Variants in STRN4 observed in about 807,000 individuals in gnomAD.
The protein encoded by STRN4 is striatin-4.
Under a neutral mutation model 77.9 loss-of-function variants are expected in STRN4, and 27 were observed. That is an observed-to-expected ratio of 0.35 (90% CI 0.26 to 0.48). The LOEUF (loss-of-function observed/expected upper bound fraction) is 0.48, where lower values mean the gene tolerates loss of function less well. STRN4 is among the 20% of genes least tolerant of loss of function. The pLI is 0.99. For synonymous variants in STRN4, 466 were observed against 443.1 expected (o/e 1.05, Z -0.65); for missense variants, 798 against 1,049.7 (o/e 0.76, Z 3.31).
chr19:46,729,111 G>A lies in STRN4; in HGVS notation c.880-334C>T, dbSNP rs76810771. Among the ~76,000 whole-genome samples the A allele has an allele frequency of 3.7e-3, 568 of 152,378 alleles. 3 individuals carry two copies. The highest frequency in any genetic ancestry group is 0.013 in the African/African-American group (522 of 41,586). ...GGCAGATATGCACTGGTGTCCGTGTGTGAATATACGGAGGTGCAAACAAGT... is the reference window on the plus strand; with the variant it reads ...GGCAGATATGCACTGGTGTCCGTGTATGAATATACGGAGGTGCAAACAAGT... On this transcript the variant is annotated intron_variant, in intron 6 of 17. Coordinates refer to ENST00000263280, the MANE Select transcript of STRN4 (RefSeq NM_013403.3).
chr19:46,737,178 G>A (rs1454805975), intron 3 of STRN4, among the ~76,000 whole-genome samples: 2 of 152,196 alleles, frequency 1.3e-5, no homozygotes, highest in Non-Finnish European at 1.5e-5. Context: ...GCCTGGTTCT[G>A]AGAGAAGGGC....
Position 46,733,700 on chromosome 19 carries a change from GT to G in STRN4, c.540-465del, listed in dbSNP as rs1231267377. On this transcript the variant is annotated intron_variant, in intron 4 of 17. Coordinates refer to ENST00000263280, the MANE Select transcript of STRN4 (RefSeq NM_013403.3). The surrounding 1 kb of genome is among the most constrained non-coding windows in gnomAD (Gnocchi z 4.3). ...AAGCTTACACCACACGCAAACACAC[GT>G]TTGTATTATGTCCCCCAAGAGGCCT... 1 of 158,338 alleles carries G rather than the reference GT, an allele frequency of 6.3e-6. No individual in the cohort carries two copies. 9.8% of individuals were successfully genotyped at this position (158,338 alleles called of 1,614,324 possible).
rs200902633 is a variant in STRN4, at chr19:46,722,346, G to A, written c.1907-6C>T. The A allele has an allele frequency of 1.7e-4, 268 of 1,613,466 alleles. No individual in the cohort carries two copies. Among genetic ancestry groups the A allele is most frequent in the Admixed American group, 1.6e-3 (97 of 60,018 alleles). ...TTGGTTGATCTGGGTTGGACCTGAA[G>A]GAAAACGCAGGAAGAGGGAAGGATG... is the stretch of plus-strand genomic sequence containing the variant. On this transcript the variant is annotated splice_polypyrimidine_tract_variant and splice_region_variant and intron_variant, in intron 14 of 17. Coordinates refer to ENST00000263280, the MANE Select transcript of STRN4 (RefSeq NM_013403.3).
At chr19:46,736,943 T>G in intron 3 of STRN4, 42 bp from the exon 4 acceptor site, 1 of 1,598,938 alleles carries the variant, frequency 6.3e-7, no homozygotes, top group Non-Finnish European at 8.5e-7. Context: ...GTCAGGCCAC[T>G]GCCACCTACC....
intron 1 of STRN4, 41 bp downstream of exon 1, chr19:46,746,108 C>T: frequency 6.9e-7 from 1 of 1,441,552 alleles, no homozygotes; most frequent in Non-Finnish European, 9.1e-7. Flanking sequence ...CGGGCCGGGC[C>T]GGGCCGGGTT....
rs769265684 is a variant in STRN4, at chr19:46,741,517, C to T, written c.283-2629G>A. Among the ~76,000 whole-genome samples, 4 of 152,188 alleles carry T rather than the reference C, an allele frequency of 2.6e-5. No individual in the cohort carries two copies. The highest frequency in any genetic ancestry group is 5.9e-5 in the Non-Finnish European group (4 of 68,028). ...GGGAAGCGTCAGTGGCCAGTCTCTCCCTCGCTGCAAACGCCAGCAGCCCCC... is the reference window on the plus strand; with the variant it reads ...GGGAAGCGTCAGTGGCCAGTCTCTCTCTCGCTGCAAACGCCAGCAGCCCCC... On this transcript the variant is annotated intron_variant, in intron 1 of 17. Transcript: ENST00000263280. This position sits in a 1 kb window ranked among gnomAD's most constrained non-coding sequence, Gnocchi z 4.9.
At position 46,741,515 on chromosome 19, in the gene STRN4, T is replaced by C. The variant is rs1220037251; in HGVS notation, c.283-2627A>G. 6.6e-6 allele frequency among the ~76,000 whole-genome samples: 1 copy of C among 152,122 alleles called. No individual in the cohort carries two copies. Among genetic ancestry groups the C allele is most frequent in the African/African-American group, 2.4e-5 (1 of 41,414 alleles). On this transcript the variant is annotated intron_variant, in intron 1 of 17. Coordinates refer to ENST00000263280, the MANE Select transcript of STRN4 (RefSeq NM_013403.3). The surrounding 1 kb of genome is among the most constrained non-coding windows in gnomAD (Gnocchi z 4.9). Reference sequence around the variant, plus strand: ...ACGGGAAGCGTCAGTGGCCAGTCTCTCCCTCGCTGCAAACGCCAGCAGCCC... The same window carrying C: ...ACGGGAAGCGTCAGTGGCCAGTCTCCCCCTCGCTGCAAACGCCAGCAGCCC...
intron 7 of STRN4, 179 bp from the exon 8 acceptor site, chr19:46,728,186 G>A (rs2054166694): frequency 1.4e-6 from 1 of 718,344 alleles, no homozygotes; most frequent in Admixed American, 2.0e-5. Flanking sequence ...CCGTGGGGCA[G>A]TGGGCAGGTC....
intron 1 of STRN4, among the ~76,000 whole-genome samples, chr19:46,744,962 C>T (rs2054549538): frequency 6.6e-6 from 1 of 152,092 alleles, no homozygotes; most frequent in Non-Finnish European, 1.5e-5. Flanking sequence ...CATTCAACAT[C>T]CCTGTCCCAA....
rs759270138 is a variant in STRN4 at position 46,736,886 on chromosome 19, A to C, written c.476T>G (p.Val159Gly). ...GCTGTTCTCCAGGGTGACCGATTCC[A>C]CGGGGCCATTGGAGACTGGCGGGTG... Reference protein sequence around the residue: ...DVSEQVSNGPVESVTLENSPL... With the variant: ...DVSEQVSNGPGESVTLENSPL... The change falls in exon 4 of 18, where the codon GTG (valine) becomes GGG (glycine). Residue 159 changes from valine to glycine, a missense_variant. By Grantham distance (109) the Val-to-Gly change is moderately radical. This residue lies in a region of STRN4 where 511 missense variants were observed against 575.9 expected (regional missense o/e 0.89). Transcript: ENST00000263280. 73 of 1,611,002 alleles carry C rather than the reference A, an allele frequency of 4.5e-5. No individual in the cohort carries two copies. The highest frequency in any genetic ancestry group is 6.0e-5 in the Non-Finnish European group (71 of 1,178,630).
At chr19:46,724,266 A>AAAAAAAAAAAAAAAAAAAAC (rs2054052860) in intron 12 of STRN4, among the ~76,000 whole-genome samples, 1 of 130,800 alleles carries the variant, frequency 7.6e-6, no homozygotes, top group African/African-American at 2.9e-5. Flanking sequence ...AAAAAAAAAA[A>AAAAAAAAAAAAAAAAAAAAC]AAAAAAAAAG....
chr19:46,725,198 A>G, intron 11 of STRN4, 134 bp downstream of exon 11: 1 of 1,291,152 alleles, frequency 7.7e-7, no homozygotes, highest in Admixed American at 1.9e-5. Flanking sequence ...TGTGTATATC[A>G]TGAAGGGGGC....
At chr19:46,739,926 A>G (rs146221556) in intron 1 of STRN4, among the ~76,000 whole-genome samples, 199 of 152,266 alleles carry the variant, frequency 1.3e-3, no homozygotes, top group Non-Finnish European at 2.2e-3. Context: ...CATTGTTCGC[A>G]ACTTCGAAAT....
At position 46,733,497 on chromosome 19, in the gene STRN4, C is replaced by T; in HGVS notation, c.540-261G>A. 4.3e-6 allele frequency: 2 copies of T among 469,014 alleles called. No individual in the cohort carries two copies. The highest frequency in any genetic ancestry group is 2.6e-5 in the South Asian group (1 of 39,060). 29.1% of individuals were successfully genotyped at this position (469,014 alleles called of 1,614,324 possible). A position where few individuals can be genotyped will look rare whatever the true frequency, so the allele number is the denominator to read the frequency against. On this transcript the variant is annotated intron_variant, in intron 4 of 17. Coordinates refer to ENST00000263280, the MANE Select transcript of STRN4 (RefSeq NM_013403.3). This position sits in a 1 kb window ranked among gnomAD's most constrained non-coding sequence, Gnocchi z 4.3. ...GCCGAAGCACAGGGACCAGCCTCAG[C>T]ACCCACCGACAGGGGCTGTGTCAGC...
intron 1 of STRN4, among the ~76,000 whole-genome samples, chr19:46,743,541 A>G (rs1216571803): frequency 6.6e-6 from 1 of 152,190 alleles, no homozygotes; most frequent in Non-Finnish European, 1.5e-5. Flanking sequence ...GGAGGCCACT[A>G]TGCTTGCCTG....
Position 46,736,895 on chromosome 19 carries a change from T to C in STRN4, c.467A>G (p.Asn156Ser), listed in dbSNP as rs1432727748. ...KKADVSEQVS[N>S]GPVESVTLEN... ...CAGGGTGACCGATTCCACGGGGCCATTGGAGACTGGCGGGTGAGAGAACGG... is the reference window on the plus strand; with the variant it reads ...CAGGGTGACCGATTCCACGGGGCCACTGGAGACTGGCGGGTGAGAGAACGG... Residue 156 changes from asparagine (N) to serine (S), a missense_variant, in exon 4 of 18, where the codon AAT becomes AGT. Coordinates refer to ENST00000263280, the MANE Select transcript of STRN4 (RefSeq NM_013403.3). 7 of 1,612,360 alleles carry C rather than the reference T, an allele frequency of 4.3e-6. No individual in the cohort carries two copies. The highest frequency in any genetic ancestry group is 1.3e-5 in the African/African-American group (1 of 74,824).
At chr19:46,728,312 G>C in intron 7 of STRN4, 2 of 588,848 alleles carry the variant, frequency 3.4e-6, no homozygotes, top group Non-Finnish European at 6.1e-6. Flanking sequence ...GCCTCTCCCC[G>C]ACTGGGTCCT....
intron 16 of STRN4, chr19:46,721,064 C>T (rs565609071): frequency 1.1e-4 from 32 of 303,064 alleles, no homozygotes; most frequent in African/African-American, 4.3e-4. Context: ...GCAGCACTGA[C>T]GCTGCAGCTG....
chr19:46,720,458 G>A (rs2122212153), intron 17 of STRN4, 78 bp downstream of exon 17: 1 of 1,038,524 alleles, frequency 9.6e-7, no homozygotes, highest in South Asian at 2.6e-5. Flanking sequence ...GCCCCTGACT[G>A]GACTGCGGGG....
Sources: allele counts gnomAD v4.1 joint callset (sites outside exome capture counted in the v4.1 genomes callset), GRCh38; gene constraint gnomAD v4.1.1; regional missense constraint gnomAD v4.1.1; non-coding constraint Gnocchi (gnomAD v3.1); transcripts MANE v1.5; gene names NCBI Gene and HGNC (gene_info 2026-07-23, HGNC 2026-07-21).